RYR2: variants seen among roughly 807,000 people sequenced by gnomAD.
The protein encoded by RYR2 is ryanodine receptor 2, also known as cardiac muscle ryanodine receptor-calcium release channel.
In RYR2, 227 loss-of-function variants were observed where a neutral mutation model predicts 601.1. That is an observed-to-expected ratio of 0.38 (90% CI 0.34 to 0.42). The LOEUF (loss-of-function observed/expected upper bound fraction) is 0.42. RYR2 is among the 10% of genes least tolerant of loss of function. The pLI, the probability that RYR2 is intolerant of heterozygous loss-of-function variation, is 1.00. For synonymous variants in RYR2, 2,223 were observed against 2,175.1 expected, an observed-to-expected ratio of 1.02 and a Z score of -0.61; for missense variants, 4,646 against 6,156.5, an observed-to-expected ratio of 0.75 and a Z score of 8.21.
intron 59 of RYR2, among the ~76,000 whole-genome samples, 181 bp from the exon 60 acceptor site, chr1:237,674,550 C>T (rs1052065675): frequency 4.0e-5 from 6 of 151,890 alleles, no homozygotes; most frequent in Admixed American, 3.3e-4. Flanking sequence ...GCAAAATATT[C>T]TTTATAGGTT....
intron 29 of RYR2, among the ~76,000 whole-genome samples, chr1:237,576,023 T>C (rs1438223564): frequency 6.6e-6 from 1 of 152,168 alleles, no homozygotes; most frequent in Non-Finnish European, 1.5e-5. Flanking sequence ...AGTAGCTAGG[T>C]ATCTCTCTAA....
chr1:237,058,341 A>C (rs1662426480), intron 1 of RYR2, among the ~76,000 whole-genome samples: 1 of 152,198 alleles, frequency 6.6e-6, no homozygotes, highest in African/African-American at 2.4e-5. Context: ...ATTTTTCAGA[A>C]AATTAGCAAT....
chr1:237,292,420 A>G (rs1411172236), intron 2 of RYR2, among the ~76,000 whole-genome samples: 1 of 152,258 alleles, frequency 6.6e-6, no homozygotes, highest in Non-Finnish European at 1.5e-5. Flanking sequence ...AATGATAAAC[A>G]TTAAATTCAT....
intron 70 of RYR2, among the ~76,000 whole-genome samples, chr1:237,710,631 A>G (rs1203539489): frequency 2.0e-5 from 3 of 152,042 alleles, no homozygotes; most frequent in South Asian, 2.1e-4. Flanking sequence ...GGGGGATGCA[A>G]TAGATCATCC....
chr1:237,656,180 G>T (rs946613433), intron 53 of RYR2, among the ~76,000 whole-genome samples, 196 bp downstream of exon 53: 1 of 152,094 alleles, frequency 6.6e-6, no homozygotes, highest in East Asian at 1.9e-4. Context: ...TAGATAAGAT[G>T]TACCTTCTAG....
rs529225012 is a variant in RYR2, at chr1:237,211,015, C to T, written c.49-59482C>T. On this transcript the variant is annotated intron_variant, in intron 1 of 104. Coordinates refer to ENST00000366574, the MANE Select transcript of RYR2 (RefSeq NM_001035.3). ...ACGTCTCACACAGATTTGTCAGGGA[C>T]GATGTTTGGGCTGCTGGGATAGTGG... Among the ~76,000 whole-genome samples, 22 of 125,834 alleles carry T rather than the reference C, an allele frequency of 1.7e-4. No homozygotes were observed. The East Asian group carries it at 4.1e-3, about 24-fold the overall frequency. 82.6% of individuals were successfully genotyped at this position (125,834 alleles called of 152,430 possible). A position where few individuals can be genotyped will look rare whatever the true frequency, so the allele number is the denominator to read the frequency against.
At chr1:237,370,824 C>A (rs984750805) in intron 6 of RYR2, among the ~76,000 whole-genome samples, 1 of 152,122 alleles carries the variant, frequency 6.6e-6, no homozygotes, top group Non-Finnish European at 1.5e-5. Context: ...CCACACCCAG[C>A]TAATTTTTTG....
At chr1:237,139,411 T>C (rs911500643) in intron 1 of RYR2, among the ~76,000 whole-genome samples, 7 of 152,288 alleles carry the variant, frequency 4.6e-5, no homozygotes, top group African/African-American at 1.7e-4. Flanking sequence ...GGATGCAGAG[T>C]TCCTTTTTTG....
At chr1:237,491,182 A>G (rs2150409716) in intron 17 of RYR2, among the ~76,000 whole-genome samples, 1 of 152,332 alleles carries the variant, frequency 6.6e-6, no homozygotes, top group South Asian at 2.1e-4. Flanking sequence ...ACGATTTTTA[A>G]TCCCGTTTTA....
intron 1 of RYR2, among the ~76,000 whole-genome samples, chr1:237,153,062 AG>A (rs1674908031): frequency 6.6e-6 from 1 of 152,194 alleles, no homozygotes; most frequent in Non-Finnish European, 1.5e-5. Flanking sequence ...TTGCTGAATC[AG>A]ATTTGTGTTT....
At chr1:237,504,892 C>T (rs1013074951) in intron 22 of RYR2, among the ~76,000 whole-genome samples, 2 of 152,122 alleles carry the variant, frequency 1.3e-5, no homozygotes, top group Non-Finnish European at 2.9e-5. Flanking sequence ...CATCATCAGG[C>T]ATTAGTTAGA....
intron 28 of RYR2, among the ~76,000 whole-genome samples, chr1:237,568,407 A>G (rs1366637280): frequency 1.3e-5 from 2 of 152,236 alleles, no homozygotes; most frequent in East Asian, 3.8e-4. Flanking sequence ...AGGTGTGCTT[A>G]TGAATCAACG....
rs145158063 is a variant in RYR2 at position 237,165,795 on chromosome 1, A to G, written c.49-104702A>G. On this transcript the variant is annotated intron_variant, in intron 1 of 104. Transcript: ENST00000366574. ...GGCGGGAGGATCACTTGAGCCCAGG[A>G]GTTTGAGACCAGCTTGGCAATATAG... Among the ~76,000 whole-genome samples the G allele has an allele frequency of 2.6e-3, 396 of 152,180 alleles. 9 individuals are homozygous for G. The highest frequency in any genetic ancestry group is 0.024 in the East Asian group (123 of 5,166).
At chr1:237,119,947 T>C (rs1670592949) in intron 1 of RYR2, among the ~76,000 whole-genome samples, 3 of 152,206 alleles carry the variant, frequency 2.0e-5, no homozygotes. Context: ...GACACAGCAA[T>C]CACCTTTCTG....
chr1:237,789,071 T>G (rs1402082547), intron 92 of RYR2, among the ~76,000 whole-genome samples: 1 of 151,712 alleles, frequency 6.6e-6, no homozygotes, highest in African/African-American at 2.4e-5. Flanking sequence ...ATTTTTATAA[T>G]TTTTATAAGG....
intron 12 of RYR2, among the ~76,000 whole-genome samples, chr1:237,433,350 A>ATAC (rs66588294): frequency 2.1e-4 from 1 of 4,674 alleles, no homozygotes; most frequent in Non-Finnish European, 3.5e-4. Context: ...AGTGCTGATT[A>ATAC]TATTTATAAT....
In RYR2 at chr1:237,703,604, CAT is replaced by C. The variant is rs900287930; in HGVS notation, c.9449+1559_9449+1560del. Among the ~76,000 whole-genome samples the C allele has an allele frequency of 2.3e-4, 34 of 147,398 alleles. 1 individual carries two copies. Among genetic ancestry groups the C allele is most frequent in the African/African-American group, 8.4e-4 (34 of 40,614 alleles). On this transcript the variant is annotated intron_variant, in intron 66 of 104. Coordinates refer to ENST00000366574, the MANE Select transcript of RYR2 (RefSeq NM_001035.3). ...TTATATATAAAATATATACATAAAA[CAT>C]ATATATATATATAAAATATATAAAA... is the stretch of plus-strand genomic sequence containing the variant.
intron 2 of RYR2, among the ~76,000 whole-genome samples, chr1:237,297,611 A>G (rs141090064): frequency 6.6e-6 from 1 of 152,100 alleles, no homozygotes; most frequent in African/African-American, 2.4e-5. Flanking sequence ...ATATTTAGGC[A>G]CTGAAGTCTT....
At chr1:237,363,870 T>C (rs546338190) in intron 4 of RYR2, among the ~76,000 whole-genome samples, 1 of 152,290 alleles carries the variant, frequency 6.6e-6, no homozygotes, top group Non-Finnish European at 1.5e-5. Context: ...TACTGTTATT[T>C]TGCATGAAAC....
Sources: allele counts gnomAD v4.1 joint callset (sites outside exome capture counted in the v4.1 genomes callset), GRCh38; gene constraint gnomAD v4.1.1; transcripts MANE v1.5; gene names NCBI Gene and HGNC (gene_info 2026-07-23, HGNC 2026-07-21).